Variants in ANKRA2 observed in about 807,000 individuals in gnomAD.
ANKRA2 encodes the protein ankyrin repeat family A protein 2.
ANKRA2 carries 33 observed loss-of-function variants against 37.8 expected under a neutral mutation model. The observed-to-expected ratio is 0.87, with a 90% CI of 0.66 to 1.17. ANKRA2 has a LOEUF of 1.17. Among genes scored for constraint, ANKRA2 ranks in the 50% most tolerant of loss-of-function variants. The pLI, the probability that ANKRA2 is intolerant of heterozygous loss-of-function variation, is 0.00. For missense variants in ANKRA2, 326 were observed against 373.7 expected (o/e 0.87, Z 1.05); for synonymous variants, 126 against 132.3 (o/e 0.95, Z 0.33).
rs528043992 is a variant in ANKRA2 at position 73,555,266 on chromosome 5, G to A, written c.612+222C>T. 4,907 of 1,205,554 alleles carry A rather than the reference G, an allele frequency of 4.1e-3. 17 individuals carry two copies. The highest frequency in any genetic ancestry group is 4.5e-3 in the Non-Finnish European group (4,077 of 899,874). 74.7% of individuals were successfully genotyped at this position (1,205,554 alleles called of 1,614,324 possible). On this transcript the variant is annotated intron_variant, in intron 5 of 8. Coordinates refer to ENST00000296785, the MANE Select transcript of ANKRA2 (RefSeq NM_023039.5). ...CAAAGCTGACAGTACTTCTGTTCCC[G>A]TGGGATGTAGAGGGGTCTGGGCGTT...
At chr5:73,558,677 C>T (rs558815753) in intron 3 of ANKRA2, among the ~76,000 whole-genome samples, 31 of 152,296 alleles carry the variant, frequency 2.0e-4, no homozygotes, top group Non-Finnish European at 3.8e-4. Flanking sequence ...TGGAACTATA[C>T]AGGTGGGTGC....
chr5:73,560,584 C>T (rs1472252099), intron 3 of ANKRA2, among the ~76,000 whole-genome samples: 3 of 152,016 alleles, frequency 2.0e-5, no homozygotes, highest in African/African-American at 7.3e-5. Context: ...CAGGGTCTTG[C>T]TATGTTGCCC....
chr5:73,553,180 G>A (rs1296459284), intron 8 of ANKRA2, among the ~76,000 whole-genome samples: 1 of 152,180 alleles, frequency 6.6e-6, no homozygotes, highest in Non-Finnish European at 1.5e-5. Context: ...AAACAGGTAT[G>A]CACTTATCCT....
chr5:73,565,515 C>A lies in ANKRA2; in HGVS notation c.-488G>T. Reference sequence around the variant, plus strand: ...ACTTTCGGGTTTTCTTTTTTTTGTCCCTCTCTCCTTTTTTTTAATATTTTT... The same window carrying A: ...ACTTTCGGGTTTTCTTTTTTTTGTCACTCTCTCCTTTTTTTTAATATTTTT... On this transcript the variant is annotated 5_prime_UTR_variant, in exon 1 of 9. Transcript: ENST00000296785. The A allele has an allele frequency of 4.1e-6, 1 of 242,636 alleles. No individual in the cohort carries two copies. Among genetic ancestry groups the A allele is most frequent in the Non-Finnish European group, 8.4e-6 (1 of 118,788 alleles). The allele number at this position is 242,636 out of a possible 1,614,324, so 15.0% of individuals were successfully genotyped here. A position where few individuals can be genotyped will look rare whatever the true frequency, so the allele number is the denominator to read the frequency against.
rs539742360 is a variant in ANKRA2, at chr5:73,552,814, G to A, written c.925C>T (p.Gln309Ter). 2.5e-6 allele frequency: 4 copies of A among 1,606,882 alleles called. No homozygotes were observed. In the South Asian group the frequency reaches 3.3e-5, roughly 13 times the overall value. ...VIESHLLKLL[Q>*]NIKE is the part of the protein sequence containing the mutation. ...GACTGTGTCTACTCCTTGATATTTT[G>A]AAGCAGCTTCAACAAATGTGACTCA... Residue 309 changes from glutamine (Q) to a stop codon, truncating the protein, a stop_gained, in exon 9 of 9, where the codon CAA becomes TAA. Coordinates refer to ENST00000296785, the MANE Select transcript of ANKRA2 (RefSeq NM_023039.5). LOFTEE classifies it high-confidence loss of function.
chr5:73,561,133 T>C lies in ANKRA2; in HGVS notation c.445A>G (p.Asn149Asp). The change falls in exon 3 of 9, where the codon AAT becomes GAT. Residue 149 changes from asparagine to aspartate, a missense_variant. By Grantham distance (23) the Asn-to-Asp change is conservative. Around this residue, in one of 3 missense-constraint regions of ANKRA2, gnomAD observed 228 missense variants for 260.2 expected, o/e 0.88. Coordinates refer to ENST00000296785, the MANE Select transcript of ANKRA2 (RefSeq NM_023039.5). Reference protein sequence around the residue: ...NEVSTTPLLANSLSVHQLAAQ... With the variant: ...NEVSTTPLLADSLSVHQLAAQ... ...TACATCAGTGGCAAATACTTACAAT[T>C]TGCTAACAGAGGTGTGGTAGAGACC... 6.2e-7 allele frequency: 1 copy of C among 1,607,950 alleles called. No individual in the cohort carries two copies. The highest frequency in any genetic ancestry group is 2.2e-5 in the East Asian group (1 of 44,816).
chr5:73,552,787 A>G lies in ANKRA2; in HGVS notation c.*10T>C, dbSNP rs761446679. 3 of 1,594,668 alleles carry G rather than the reference A, an allele frequency of 1.9e-6. No individual in the cohort carries two copies. In the South Asian group the frequency reaches 3.3e-5, roughly 18 times the overall value. On this transcript the variant is annotated 3_prime_UTR_variant, in exon 9 of 9. Transcript: ENST00000296785. ...TAAACAAAAGGGCAGACATTTTCTG[A>G]TGACTGTGTCTACTCCTTGATATTT... is the stretch of plus-strand genomic sequence containing the variant.
In ANKRA2 at chr5:73,554,354, C is replaced by CAA; in HGVS notation, c.772_773insTT (p.Gly258ValfsTer5). On this transcript the variant is annotated frameshift_variant, in exon 7 of 9. Coordinates refer to ENST00000296785, the MANE Select transcript of ANKRA2 (RefSeq NM_023039.5). LOFTEE classifies it high-confidence loss of function. The stretch of plus-strand genomic sequence containing the variant: ...CATCTTTACACATTTCACATGATTT[C>CAA]CATGTACAGCATAAAGCAGAGGTGT... 6.2e-7 allele frequency: 1 copy of CAA among 1,613,658 alleles called. No individual in the cohort carries two copies. Among genetic ancestry groups the CAA allele is most frequent in the Non-Finnish European group, 8.5e-7 (1 of 1,179,806 alleles).
intron 4 of ANKRA2, among the ~76,000 whole-genome samples, chr5:73,556,791 A>C (rs1014396269): frequency 6.6e-6 from 1 of 151,994 alleles, no homozygotes; most frequent in African/African-American, 2.4e-5. Context: ...TCACACGCAA[A>C]AAATTCCAGT....
intron 6 of ANKRA2, 153 bp from the exon 7 acceptor site, chr5:73,554,541 TGA>T: frequency 1.7e-6 from 1 of 602,122 alleles, no homozygotes; most frequent in Non-Finnish European, 2.9e-6. Flanking sequence ...AACTAATAAT[TGA>T]GTCTATGATA....
Position 73,552,574 on chromosome 5 carries a change from C to A in ANKRA2, c.*223G>T. ...ATCTGTACCATAAAAATTTACATGCCACGAAAACATTAATTTATAATTTTA... is the reference window on the plus strand; with the variant it reads ...ATCTGTACCATAAAAATTTACATGCAACGAAAACATTAATTTATAATTTTA... On this transcript the variant is annotated 3_prime_UTR_variant, in exon 9 of 9. Coordinates refer to ENST00000296785, the MANE Select transcript of ANKRA2 (RefSeq NM_023039.5). 1 of 414,040 alleles carries A rather than the reference C, an allele frequency of 2.4e-6. No individual in the cohort carries two copies. The highest frequency in any genetic ancestry group is 4.2e-6 in the Non-Finnish European group (1 of 236,524). 25.6% of individuals were successfully genotyped at this position (414,040 alleles called of 1,614,324 possible).
intron 3 of ANKRA2, among the ~76,000 whole-genome samples, chr5:73,560,712 A>G (rs1022307866): frequency 6.6e-6 from 1 of 151,960 alleles, no homozygotes; most frequent in African/African-American, 2.4e-5. Context: ...TATTATAGTC[A>G]CCATTGTGTA....
Position 73,557,591 on chromosome 5 carries a change from A to G in ANKRA2, c.498T>C (p.Ala166=). The change falls in exon 4 of 9, where the codon GCT becomes GCC. Residue 166 remains alanine, a synonymous_variant. Transcript: ENST00000296785. Reference sequence around the variant, plus strand: ...GGCTATTACCTTGTTCGATACGAGTAGCCAGATAGAGCATCTCTCCCTGAG... The same window carrying G: ...GGCTATTACCTTGTTCGATACGAGTGGCCAGATAGAGCATCTCTCCCTGAG... ...LAAQGEMLYL[A]TRIEQENVIN... 6.2e-7 allele frequency: 1 copy of G among 1,608,762 alleles called. No individual in the cohort carries two copies. The highest frequency in any genetic ancestry group is 8.5e-7 in the Non-Finnish European group (1 of 1,175,760).
At position 73,562,787 on chromosome 5, in the gene ANKRA2, A is replaced by G. The variant is rs1293629585; in HGVS notation, c.95T>C (p.Ile32Thr). ...YSLTGMPDIK[I>T]EHPLDPNSEE... is the part of the protein sequence containing the mutation. Reference sequence around the variant, plus strand: ...TGAATTTGGGTCCAGTGGATGTTCTATTTTAATGTCTGGCATGCCAGTTAG... The same window carrying G: ...TGAATTTGGGTCCAGTGGATGTTCTGTTTTAATGTCTGGCATGCCAGTTAG... Residue 32 changes from isoleucine to threonine, a missense_variant, in exon 2 of 9, where the codon ATA (isoleucine) becomes ACA (threonine). Transcript: ENST00000296785. 5 of 1,614,058 alleles carry G rather than the reference A, an allele frequency of 3.1e-6. No individual in the cohort carries two copies. The highest frequency in any genetic ancestry group is 1.7e-5 in the Admixed American group (1 of 59,998).
intron 3 of ANKRA2, among the ~76,000 whole-genome samples, chr5:73,559,655 AT>A (rs1747491556): frequency 7.9e-6 from 1 of 126,478 alleles, no homozygotes; most frequent in Non-Finnish European, 1.8e-5. Flanking sequence ...TCTATTTATT[AT>A]TTATTAACTC....
At chr5:73,554,651 A>C (rs1360214931) in intron 6 of ANKRA2, among the ~76,000 whole-genome samples, 1 of 151,930 alleles carries the variant, frequency 6.6e-6, no homozygotes, top group Non-Finnish European at 1.5e-5. Flanking sequence ...CCCAGGCTGG[A>C]GTACAGTGGT....
intron 1 of ANKRA2, among the ~76,000 whole-genome samples, chr5:73,564,663 A>C (rs1367855638): frequency 6.6e-6 from 1 of 152,230 alleles, no homozygotes; most frequent in African/African-American, 2.4e-5. Context: ...AAGGTGTTGA[A>C]ATAGGCCTTT....
At chr5:73,563,187 C>G (rs1747602884) in intron 1 of ANKRA2, among the ~76,000 whole-genome samples, 1 of 152,178 alleles carries the variant, frequency 6.6e-6, no homozygotes, top group African/African-American at 2.4e-5. Context: ...GTAGAAGTTA[C>G]TCAATCCCTC....
Position 73,562,674 on chromosome 5 carries a change from TC to T in ANKRA2, c.207del (p.Lys70SerfsTer3). 6.2e-7 allele frequency: 1 copy of T among 1,614,186 alleles called. No homozygotes were observed. Among genetic ancestry groups the T allele is most frequent in the Non-Finnish European group, 8.5e-7 (1 of 1,179,998 alleles). On this transcript the variant is annotated frameshift_variant, in exon 2 of 9. Coordinates refer to ENST00000296785, the MANE Select transcript of ANKRA2 (RefSeq NM_023039.5). LOFTEE classifies it high-confidence loss of function. ...RFDMNVCSRFVKSLNEEDSKN... is the reference protein window; with the variant it reads ...RFDMNVCSRFXKSLNEEDSKN... ...TTACTATCTTCTTCATTTAAGGACT[TC>T]ACAAATCGAGAACACACATTCATAT...
Sources: gnomAD v4.1 joint callset for allele counts (sites outside exome capture counted in the v4.1 genomes callset) on GRCh38, gnomAD v4.1.1 for gene constraint, gnomAD v4.1.1 regional missense constraint, MANE v1.5 for transcripts, NCBI Gene and HGNC (gene_info 2026-07-23, HGNC 2026-07-21) for gene names.